KIAA0232: variants seen among roughly 807,000 people sequenced by gnomAD.
The protein encoded by KIAA0232 is uncharacterized protein KIAA0232.
KIAA0232 carries 27 observed loss-of-function variants against 122.0 expected under a neutral mutation model. The ratio of observed to expected loss-of-function variants is 0.22; its 90% confidence interval spans 0.16 to 0.31. The LOEUF (loss-of-function observed/expected upper bound fraction) is 0.31, where lower values mean the gene tolerates loss of function less well. KIAA0232 is among the 10% of genes least tolerant of loss of function. The probability of loss-of-function intolerance (pLI) is 1.00; values close to 1 mark genes in which losing one functional copy is unlikely to be tolerated. For synonymous variants in KIAA0232, 613 were observed against 587.6 expected, an observed-to-expected ratio of 1.04 and a Z score of -0.63; for missense variants, 1,551 against 1,634.2, an observed-to-expected ratio of 0.95 and a Z score of 0.88.
At chr4:6,820,743 C>A (rs977815559) in intron 2 of KIAA0232, among the ~76,000 whole-genome samples, 1 of 152,188 alleles carries the variant, frequency 6.6e-6, no homozygotes, top group Non-Finnish European at 1.5e-5. Context: ...TTCTGGTGCT[C>A]TTTGTTCCCT....
At chr4:6,785,750 G>A (rs183984615) in intron 1 of KIAA0232, among the ~76,000 whole-genome samples, 171 of 152,200 alleles carry the variant, frequency 1.1e-3, no homozygotes, top group African/African-American at 3.7e-3. Flanking sequence ...AGAATTCAGA[G>A]ATACCAGCAT....
chr4:6,858,987 A>G (rs1390319749), intron 6 of KIAA0232, among the ~76,000 whole-genome samples: 1 of 151,680 alleles, frequency 6.6e-6, no homozygotes, highest in Non-Finnish European at 1.5e-5. Context: ...AATCCCAGCT[A>G]CTCAGGAGAC....
chr4:6,836,535 TTTTTTC>T (rs1719284256), intron 3 of KIAA0232, among the ~76,000 whole-genome samples: 1 of 149,082 alleles, frequency 6.7e-6, no homozygotes, highest in African/African-American at 2.4e-5. Flanking sequence ...TTTCTTTTTT[TTTTTTC>T]TTTTCTTTTT....
intron 2 of KIAA0232, among the ~76,000 whole-genome samples, chr4:6,806,157 A>G (rs1043373579): frequency 2.6e-5 from 4 of 152,194 alleles, no homozygotes; most frequent in Non-Finnish European, 4.4e-5. Flanking sequence ...TTAAATCTCC[A>G]TAACTTTTTG....
At chr4:6,786,528 G>A (rs757014769) in intron 1 of KIAA0232, among the ~76,000 whole-genome samples, 2 of 151,958 alleles carry the variant, frequency 1.3e-5, no homozygotes, top group Admixed American at 6.6e-5. Context: ...GGCTGATCTC[G>A]AACTCCTGGG....
intron 1 of KIAA0232, among the ~76,000 whole-genome samples, chr4:6,801,215 G>T (rs1298623286): frequency 1.3e-5 from 2 of 152,160 alleles, no homozygotes; most frequent in Non-Finnish European, 2.9e-5. Flanking sequence ...CACTGGAAAT[G>T]TGGCTTGTGC....
In KIAA0232 at chr4:6,863,521, C is replaced by A. The variant is rs1721002545; in HGVS notation, c.3139C>A (p.Pro1047Thr). The change falls in exon 7 of 10, where the codon CCA becomes ACA. Residue 1047 changes from proline (P) to threonine (T), a missense_variant. Physicochemically the swap from Pro to Thr is conservative, Grantham distance 38 (BLOSUM62 -1). Around this residue, in one of 5 missense-constraint regions of KIAA0232, gnomAD observed 1,108 missense variants for 1,154.8 expected, o/e 0.96. Transcript: ENST00000307659. Reference sequence around the variant, plus strand: ...ATTTTCTTCCTTTGACTTAAGCAATCCATTTTCACAAGTTCTTCATGTAGA... The same window carrying A: ...ATTTTCTTCCTTTGACTTAAGCAATACATTTTCACAAGTTCTTCATGTAGA... The part of the protein sequence containing the change: ...YSFSSFDLSN[P>T]FSQVLHVECS... 1 of 1,614,046 alleles carries A rather than the reference C, an allele frequency of 6.2e-7. No individual in the cohort carries two copies. The highest frequency in any genetic ancestry group is 1.3e-5 in the African/African-American group (1 of 74,926).
intron 1 of KIAA0232, among the ~76,000 whole-genome samples, chr4:6,790,978 G>GTACAATCT (rs1244410517): frequency 2.1e-5 from 3 of 144,526 alleles, no homozygotes; most frequent in Non-Finnish European, 3.0e-5. Context: ...GAGTCCAGTG[G>GTACAATCT]TACAATCTTG....
At chr4:6,837,835 G>A (rs543701431) in intron 3 of KIAA0232, among the ~76,000 whole-genome samples, 23 of 152,300 alleles carry the variant, frequency 1.5e-4, no homozygotes, top group African/African-American at 5.5e-4. Context: ...AATCAGGCAG[G>A]GAGGTTGCAG....
intron 1 of KIAA0232, among the ~76,000 whole-genome samples, chr4:6,786,842 C>T (rs1005168232): frequency 6.6e-6 from 1 of 152,104 alleles, no homozygotes; most frequent in Non-Finnish European, 1.5e-5. Flanking sequence ...CTGTGAATCA[C>T]CGACCCATTT....
intron 2 of KIAA0232, among the ~76,000 whole-genome samples, chr4:6,822,616 A>G (rs1276027010): frequency 6.6e-6 from 1 of 152,180 alleles, no homozygotes; most frequent in Admixed American, 6.5e-5. Flanking sequence ...GAACTCTAAT[A>G]TAAAGAATAT....
intron 2 of KIAA0232, among the ~76,000 whole-genome samples, chr4:6,812,793 T>C (rs1231664475): frequency 6.6e-6 from 1 of 152,176 alleles, no homozygotes; most frequent in Non-Finnish European, 1.5e-5. Flanking sequence ...TTTGTGACTG[T>C]TTACTGTCTG....
At chr4:6,843,172 T>G (rs983069218) in intron 4 of KIAA0232, among the ~76,000 whole-genome samples, 5 of 152,214 alleles carry the variant, frequency 3.3e-5, no homozygotes, top group African/African-American at 4.8e-5. Flanking sequence ...GAATTCTTAT[T>G]TTATTATTCA....
chr4:6,862,866 T>C lies in KIAA0232; in HGVS notation c.2484T>C (p.Ile828=), dbSNP rs762034084. 8.7e-6 allele frequency: 14 copies of C among 1,614,078 alleles called. No individual in the cohort carries two copies. Among genetic ancestry groups the C allele is most frequent in the South Asian group, 6.6e-5 (6 of 91,084 alleles). The change falls in exon 7 of 10, where the codon ATT becomes ATC. Residue 828 remains isoleucine (I), a synonymous_variant. Coordinates refer to ENST00000307659, the MANE Select transcript of KIAA0232 (RefSeq NM_014743.3). The part of the protein sequence containing the change: ...DGYSSGVIKD[I]WTKMADTNSV... ...ACAGCTCAGGGGTTATTAAAGACAT[T>C]TGGACAAAGATGGCAGACACAAATT... is the stretch of plus-strand genomic sequence containing the variant.
At chr4:6,795,420 G>A (rs1384223749) in intron 1 of KIAA0232, among the ~76,000 whole-genome samples, 2 of 152,110 alleles carry the variant, frequency 1.3e-5, no homozygotes, top group East Asian at 1.9e-4. Flanking sequence ...ATTGAGATGC[G>A]CTGTGTCAAT....
intron 1 of KIAA0232, among the ~76,000 whole-genome samples, chr4:6,794,504 A>G (rs1309492941): frequency 6.6e-6 from 1 of 152,224 alleles, no homozygotes; most frequent in Non-Finnish European, 1.5e-5. Context: ...CAAATAAGCA[A>G]GTAGATGCAT....
chr4:6,789,393 A>G (rs1716784275), intron 1 of KIAA0232, among the ~76,000 whole-genome samples: 1 of 138,662 alleles, frequency 7.2e-6, no homozygotes, highest in Non-Finnish European at 1.6e-5. Context: ...CCTGCCTCAG[A>G]CTCCCCAGTA....
At chr4:6,821,059 T>TA (rs1023753911) in intron 2 of KIAA0232, among the ~76,000 whole-genome samples, 17 of 152,226 alleles carry the variant, frequency 1.1e-4, no homozygotes, top group African/African-American at 4.1e-4. Flanking sequence ...TTAAAGGTCT[T>TA]ACCTCTTAAT....
chr4:6,784,851 G>T (rs1253878719), intron 1 of KIAA0232, among the ~76,000 whole-genome samples: 4 of 152,036 alleles, frequency 2.6e-5, no homozygotes, highest in African/African-American at 9.7e-5. Context: ...AAAAAGTATA[G>T]GTCTTTAACA....
Sources: gnomAD v4.1 joint callset for allele counts (sites outside exome capture counted in the v4.1 genomes callset) on GRCh38, gnomAD v4.1.1 for gene constraint, gnomAD v4.1.1 regional missense constraint, MANE v1.5 for transcripts, NCBI Gene and HGNC (gene_info 2026-07-23, HGNC 2026-07-21) for gene names.